ZBED6: variants seen among roughly 807,000 people sequenced by gnomAD.
ZBED6 encodes zinc finger BED domain-containing protein 6.
Under a neutral mutation model 58.4 loss-of-function variants are expected in ZBED6, and 40 were observed. The ratio of observed to expected loss-of-function variants is 0.68; its 90% CI spans 0.53 to 0.89. The LOEUF (loss-of-function observed/expected upper bound fraction) is 0.89. Among genes scored for constraint, ZBED6 ranks in the 40% least tolerant of loss-of-function variants. The pLI is 0.00. For missense variants in ZBED6, 1,057 were observed against 1,003.9 expected (o/e 1.05, Z -0.71); for synonymous variants, 439 against 350.6 (o/e 1.25, Z -2.82).
chr1:203,824,432 T>G (rs1437923519), intron 3 of ZBED6, among the ~76,000 whole-genome samples: 1 of 152,180 alleles, frequency 6.6e-6, no homozygotes, highest in Admixed American at 6.5e-5. Flanking sequence ...ACCCCTTCTG[T>G]GTGCAATTCA....
At chr1:203,845,781 T>C (rs1687716995) in intron 11 of ZBED6, among the ~76,000 whole-genome samples, 1 of 152,042 alleles carries the variant, frequency 6.6e-6, no homozygotes, top group Admixed American at 6.6e-5. Context: ...AGAGAATCAC[T>C]TGAACCCAGG....
At chr1:203,822,288 T>C in intron 3 of ZBED6, among the ~76,000 whole-genome samples, 1 of 152,124 alleles carries the variant, frequency 6.6e-6, no homozygotes. Context: ...TCTCAGGCTC[T>C]GACATGACAC....
chr1:203,813,834 C>G, intron 1 of ZBED6, among the ~76,000 whole-genome samples: 1 of 152,042 alleles, frequency 6.6e-6, no homozygotes, highest in East Asian at 1.9e-4. Context: ...ATCACATTCC[C>G]TCTGTACATG....
At chr1:203,851,282 C>T (rs970225989) in intron 16 of ZBED6, among the ~76,000 whole-genome samples, 158 bp downstream of exon 16, 1 of 152,178 alleles carries the variant, frequency 6.6e-6, no homozygotes, top group Non-Finnish European at 1.5e-5. Flanking sequence ...GGTTGCTGTT[C>T]TTCTTTGGTG....
intron 3 of ZBED6, among the ~76,000 whole-genome samples, chr1:203,823,472 C>T: frequency 6.6e-6 from 1 of 152,198 alleles, no homozygotes; most frequent in East Asian, 1.9e-4. Flanking sequence ...ATTCCAGACT[C>T]CCAGAAGGAA....
At chr1:203,851,217 A>T in intron 16 of ZBED6, 93 bp downstream of exon 16, 1 of 1,132,232 alleles carries the variant, frequency 8.8e-7, no homozygotes, top group South Asian at 1.5e-5. Context: ...CTTTAGCAAC[A>T]TTCAAATAAA....
Position 203,797,726 on chromosome 1 carries a change from G to A in ZBED6, c.204G>A (p.Leu68=), listed in dbSNP as rs947398323. Reference sequence around the variant, plus strand: ...CTAAAAAGAAAAGAAAGAAGGGTTTGCGAATTAAGGGGAAAAGGCGTCGAA... The same window carrying A: ...CTAAAAAGAAAAGAAAGAAGGGTTTACGAATTAAGGGGAAAAGGCGTCGAA... The change falls in exon 1 of 17, where the codon TTG becomes TTA. Residue 68 remains leucine (L), a synonymous_variant. Transcript: ENST00000550078. 4.5e-5 allele frequency: 69 copies of A among 1,535,308 alleles called. No homozygotes were observed. The East Asian group carries it at 1.4e-3, about 30-fold the overall frequency.
intron 1 of ZBED6, among the ~76,000 whole-genome samples, chr1:203,806,577 A>T (rs1370590639): frequency 1.3e-5 from 2 of 152,216 alleles, no homozygotes; most frequent in East Asian, 3.9e-4. Context: ...TGCTGGGATT[A>T]TAGGCATGAG....
rs141590568 is a variant in ZBED6, at chr1:203,829,775, T to C, written c.*3202-5T>C. ...TGTGAATTTGCCTTAAATGTTGATA[T>C]ATAGATCAGTTTTCTGAGGAAGGTG... On this transcript the variant is annotated splice_region_variant and splice_polypyrimidine_tract_variant and intron_variant, in intron 5 of 16. Coordinates refer to ENST00000550078, the Ensembl canonical transcript of ZBED6. 721 of 1,613,852 alleles carry C rather than the reference T, an allele frequency of 4.5e-4. 1 individual carries two copies. The African/African-American group carries it at 8.0e-3, about 18-fold the overall frequency.
Position 203,828,550 on chromosome 1 carries a change from A to T in ZBED6, c.*2997+128A>T, listed in dbSNP as rs1572165258. 3.4e-6 allele frequency: 4 copies of T among 1,162,112 alleles called. No homozygotes were observed. In the East Asian group the frequency reaches 1.0e-4, roughly 30 times the overall value. The allele number at this position is 1,162,112 out of a possible 1,614,324, so 72.0% of individuals were successfully genotyped here. A position where few individuals can be genotyped will look rare whatever the true frequency, so the allele number is the denominator to read the frequency against. ...CAGCAGAATTATTTCCACTTTACAG[A>T]TAAGTGAACTGAATCTTATTAAGGT... On this transcript the variant is annotated intron_variant, in intron 4 of 16. Coordinates refer to ENST00000550078, the Ensembl canonical transcript of ZBED6.
At chr1:203,846,832 A>C (rs866429439) in intron 11 of ZBED6, among the ~76,000 whole-genome samples, 32 of 152,218 alleles carry the variant, frequency 2.1e-4, no homozygotes, top group African/African-American at 7.5e-4. Context: ...ACTTGCAGTA[A>C]TCTAAAATTG....
chr1:203,797,642 A>T, exon 1 of ZBED6: 5 of 1,536,098 alleles, frequency 3.3e-6, no homozygotes, highest in Non-Finnish European at 4.4e-6. Flanking sequence ...CAGATGAAGA[A>T]GATGTGGTAG....
chr1:203,847,380 A>G (rs773067053), exon 12 of ZBED6: 1 of 1,613,978 alleles, frequency 6.2e-7, no homozygotes, highest in East Asian at 2.2e-5. Flanking sequence ...TGGCTGAAAA[A>G]AAACATCGGC....
At chr1:203,850,080 AC>A in intron 14 of ZBED6, 54 bp downstream of exon 14, 3 of 1,553,458 alleles carry the variant, frequency 1.9e-6, no homozygotes, top group Non-Finnish European at 2.6e-6. Flanking sequence ...ACCAAATTCA[AC>A]CCAATTGTTG....
At chr1:203,842,115 A>ACTGGGCGG (rs1434334030) in intron 11 of ZBED6, among the ~76,000 whole-genome samples, 1 of 146,160 alleles carries the variant, frequency 6.8e-6, no homozygotes, top group Non-Finnish European at 1.5e-5. Flanking sequence ...CACTTCCCAG[A>ACTGGGCGG]CTGGGCGGCT....
At chr1:203,816,995 T>G in exon 2 of ZBED6, 7 of 1,067,392 alleles carry the variant, frequency 6.6e-6, no homozygotes, top group Non-Finnish European at 9.6e-6. Context: ...TCACGAGGAC[T>G]TGGAGCCTGG....
chr1:203,815,899 G>A (rs1034826186), intron 1 of ZBED6, among the ~76,000 whole-genome samples: 4 of 152,148 alleles, frequency 2.6e-5, no homozygotes, highest in Admixed American at 6.6e-5. Flanking sequence ...TTGCTTGGAC[G>A]TTTTAGTGTG....
chr1:203,835,387 G>A (rs1683954287), intron 9 of ZBED6, among the ~76,000 whole-genome samples: 1 of 152,162 alleles, frequency 6.6e-6, no homozygotes, highest in South Asian at 2.1e-4. Flanking sequence ...ATAGTCAGAT[G>A]AATACATTAC....
At chr1:203,834,452 T>C (rs1683540787) in intron 9 of ZBED6, among the ~76,000 whole-genome samples, 1 of 151,900 alleles carries the variant, frequency 6.6e-6, no homozygotes, top group Admixed American at 6.6e-5. Flanking sequence ...TTGTATTTTT[T>C]ATAGTGATAG....
Sources: gnomAD v4.1 joint callset for allele counts (sites outside exome capture counted in the v4.1 genomes callset) on GRCh38, gnomAD v4.1.1 for gene constraint, MANE v1.5 for transcripts, NCBI Gene and HGNC (gene_info 2026-07-23, HGNC 2026-07-21) for gene names.